Variants in CDC37L1 observed in about 807,000 individuals in gnomAD.
CDC37L1 encodes the protein cell division cycle 37 like 1, HSP90 cochaperone.
In CDC37L1, 32 loss-of-function variants were observed where a neutral mutation model predicts 45.9. The observed-to-expected ratio is 0.70, with a 90% CI of 0.53 to 0.94. The LOEUF is 0.94. CDC37L1 is among the 40% of genes least tolerant of loss of function. The pLI is 0.00. For missense variants in CDC37L1, 434 were observed against 405.7 expected, an observed-to-expected ratio of 1.07 and a Z score of -0.60; for synonymous variants, 150 against 133.0, an observed-to-expected ratio of 1.13 and a Z score of -0.88.
chr9:4,696,409 C>A (rs1160575556), intron 3 of CDC37L1, among the ~76,000 whole-genome samples: 1 of 151,978 alleles, frequency 6.6e-6, no homozygotes, highest in Non-Finnish European at 1.5e-5. Context: ...TTTGGGAGGC[C>A]TAGCCAGGAG....
At position 4,679,836 on chromosome 9, in the gene CDC37L1, G is replaced by T. The variant is rs146915614; in HGVS notation, c.69G>T (p.Glu23Asp). 1.4e-5 allele frequency: 22 copies of T among 1,613,896 alleles called. No homozygotes were observed. The highest frequency in any genetic ancestry group is 1.5e-5 in the Non-Finnish European group (18 of 1,179,984). ...LPRAEGEAEE[E>D]SDFDVFPSSP... ...GGGCCGAGGGTGAGGCTGAGGAAGAGAGTGACTTCGACGTGTTCCCCAGTT... is the reference window on the plus strand; with the variant it reads ...GGGCCGAGGGTGAGGCTGAGGAAGATAGTGACTTCGACGTGTTCCCCAGTT... Residue 23 changes from glutamate to aspartate, a missense_variant, in exon 1 of 7, where the codon GAG becomes GAT. By Grantham distance (45) the Glu-to-Asp change is conservative. Coordinates refer to ENST00000381854, the MANE Select transcript of CDC37L1 (RefSeq NM_017913.4).
intron 3 of CDC37L1, among the ~76,000 whole-genome samples, chr9:4,691,158 T>C (rs867176089): frequency 5.3e-5 from 8 of 152,216 alleles, no homozygotes; most frequent in Non-Finnish European, 1.2e-4. Context: ...TCCTTTATTT[T>C]GTTTTTTTGT....
At chr9:4,680,284 C>G (rs1453531998) in intron 1 of CDC37L1, among the ~76,000 whole-genome samples, 2 of 152,196 alleles carry the variant, frequency 1.3e-5, no homozygotes, top group Non-Finnish European at 2.9e-5. Flanking sequence ...GTTAAAGGCT[C>G]TAGCATACTT....
chr9:4,693,089 C>T (rs1345374464), intron 3 of CDC37L1, among the ~76,000 whole-genome samples: 1 of 152,122 alleles, frequency 6.6e-6, no homozygotes, highest in African/African-American at 2.4e-5. Flanking sequence ...AATTCACAAA[C>T]TACCTGGGAG....
intron 3 of CDC37L1, among the ~76,000 whole-genome samples, chr9:4,694,933 A>T (rs1443063899): frequency 2.3e-4 from 35 of 152,126 alleles, no homozygotes; most frequent in Admixed American, 2.3e-3. Context: ...AGTGTCAGGA[A>T]CCCTTTCATG....
intron 1 of CDC37L1, among the ~76,000 whole-genome samples, chr9:4,681,365 G>T (rs1319846997): frequency 6.6e-6 from 1 of 152,096 alleles, no homozygotes; most frequent in African/African-American, 2.4e-5. Context: ...CTAGTTAGTG[G>T]CCAGGTTAAA....
chr9:4,705,968 G>A (rs1841437506), intron 6 of CDC37L1, 43 bp from the exon 7 acceptor site: 3 of 913,886 alleles, frequency 3.3e-6, no homozygotes, highest in Non-Finnish European at 5.5e-6. Context: ...TGGTTATAAT[G>A]CGTTCTTTTT....
chr9:4,682,303 C>T (rs1392084522), intron 1 of CDC37L1, among the ~76,000 whole-genome samples: 5 of 144,060 alleles, frequency 3.5e-5, no homozygotes, highest in Non-Finnish European at 6.0e-5. Flanking sequence ...GCTGGGATTA[C>T]AGGTGCCCAC....
At chr9:4,703,009 G>C (rs1247087040) in intron 6 of CDC37L1, 2 of 1,402,652 alleles carry the variant, frequency 1.4e-6, no homozygotes, top group East Asian at 2.7e-5. Flanking sequence ...ACAAGTTTAA[G>C]TTATTATTAG....
At chr9:4,702,106 T>C in intron 6 of CDC37L1, 78 bp downstream of exon 6, 2 of 632,132 alleles carry the variant, frequency 3.2e-6, no homozygotes, top group Non-Finnish European at 5.0e-6. Flanking sequence ...CACTCTTTTT[T>C]TTTTTTAATA....
Position 4,679,848 on chromosome 9 carries a change from C to T in CDC37L1, c.81C>T (p.Asp27=), listed in dbSNP as rs1841170721. Residue 27 remains aspartate (D), a synonymous_variant, in exon 1 of 7, where the codon GAC becomes GAT. Transcript: ENST00000381854. ...AGGCTGAGGAAGAGAGTGACTTCGA[C>T]GTGTTCCCCAGTTCTCCCCGCTGCC... ...EGEAEEESDF[D]VFPSSPRCPQ... The T allele has an allele frequency of 6.2e-7, 1 of 1,614,006 alleles. No individual in the cohort carries two copies. The highest frequency in any genetic ancestry group is 2.2e-5 in the East Asian group (1 of 44,872).
At chr9:4,696,666 G>T (rs1409204016) in intron 3 of CDC37L1, among the ~76,000 whole-genome samples, 1 of 152,028 alleles carries the variant, frequency 6.6e-6, no homozygotes, top group Non-Finnish European at 1.5e-5. Context: ...GGATTTCTTT[G>T]ACACCTTGAA....
In CDC37L1 at chr9:4,679,865, C is replaced by A. The variant is rs769490808; in HGVS notation, c.98C>A (p.Pro33His). Residue 33 changes from proline to histidine, a missense_variant, in exon 1 of 7, where the codon CCC becomes CAC. Physicochemically the swap from Pro to His is moderately conservative, Grantham distance 77. Transcript: ENST00000381854. ...GACTTCGACGTGTTCCCCAGTTCTC[C>A]CCGCTGCCCGCAGCTGCCAGGCGGC... is the stretch of plus-strand genomic sequence containing the variant. ...ESDFDVFPSS[P>H]RCPQLPGGGA... 2 of 1,613,820 alleles carry A rather than the reference C, an allele frequency of 1.2e-6. No homozygotes were observed. Among genetic ancestry groups the A allele is most frequent in the Non-Finnish European group, 8.5e-7 (1 of 1,179,976 alleles).
intron 5 of CDC37L1, among the ~76,000 whole-genome samples, chr9:4,700,806 TTAAG>T (rs1412865545): frequency 5.3e-5 from 8 of 152,322 alleles, no homozygotes; most frequent in African/African-American, 7.2e-5. Flanking sequence ...CATAAAGAAA[TTAAG>T]TAAGTGGCCC....
At chr9:4,701,690 C>G (rs997752034) in intron 5 of CDC37L1, among the ~76,000 whole-genome samples, 174 bp from the exon 6 acceptor site, 1 of 152,126 alleles carries the variant, frequency 6.6e-6, no homozygotes, top group African/African-American at 2.4e-5. Flanking sequence ...ATTAATGTTC[C>G]TATAAATCAG....
intron 5 of CDC37L1, among the ~76,000 whole-genome samples, chr9:4,699,144 C>T (rs897204390): frequency 1.3e-5 from 2 of 152,124 alleles, no homozygotes; most frequent in African/African-American, 4.8e-5. Context: ...AACTCTTACA[C>T]ATATGTACTA....
Position 4,679,747 on chromosome 9 carries a change from T to C in CDC37L1, c.-21T>C, listed in dbSNP as rs1444470013. 1.9e-6 allele frequency: 3 copies of C among 1,603,982 alleles called. No homozygotes were observed. Among genetic ancestry groups the C allele is most frequent in the East Asian group, 4.5e-5 (2 of 44,564 alleles). On this transcript the variant is annotated 5_prime_UTR_variant, in exon 1 of 7. Coordinates refer to ENST00000381854, the MANE Select transcript of CDC37L1 (RefSeq NM_017913.4). ...GCAGTTGTAGGGCCAAGGGCGGTTG[T>C]AGGACCCGGAGCAGCCGGACATGGA...
chr9:4,694,822 A>G (rs909040859), intron 3 of CDC37L1, among the ~76,000 whole-genome samples: 5 of 152,112 alleles, frequency 3.3e-5, no homozygotes, highest in African/African-American at 1.2e-4. Flanking sequence ...GTGAGCTGAG[A>G]TCGTGTTGCT....
At chr9:4,696,527 A>C (rs1201813912) in intron 3 of CDC37L1, among the ~76,000 whole-genome samples, 1 of 152,134 alleles carries the variant, frequency 6.6e-6, no homozygotes, top group Non-Finnish European at 1.5e-5. Context: ...AAATCTATTC[A>C]GTTATGACTG....
Sources: gnomAD v4.1 joint callset for allele counts (sites outside exome capture counted in the v4.1 genomes callset) on GRCh38, gnomAD v4.1.1 for gene constraint, MANE v1.5 for transcripts, NCBI Gene and HGNC (gene_info 2026-07-23, HGNC 2026-07-21) for gene names.